EML1: variants seen among roughly 807,000 people sequenced by gnomAD.
The protein encoded by EML1 is echinoderm microtubule-associated protein-like 1.
Under a neutral mutation model 110.4 loss-of-function variants are expected in EML1, and 27 were observed. That is an observed-to-expected ratio of 0.24 (90% CI 0.18 to 0.34). EML1 has a LOEUF of 0.34. EML1 is among the 10% of genes least tolerant of loss of function. The pLI is 1.00. For missense variants in EML1, 741 were observed against 1,030.9 expected (o/e 0.72, Z 3.85); for synonymous variants, 344 against 385.8 (o/e 0.89, Z 1.27).
chr14:99,831,432 A>G lies in EML1; in HGVS notation c.68-19421A>G, dbSNP rs531568421. On this transcript the variant is annotated intron_variant, in intron 1 of 21. Coordinates refer to ENST00000262233, the MANE Select transcript of EML1 (RefSeq NM_004434.3). ...TCCCCCCATCGTTGGGCCCACTGGC[A>G]TCACTCCTGTTGCTCCCATCGGCAG... Among the ~76,000 whole-genome samples the G allele has an allele frequency of 1.1e-4, 16 of 152,328 alleles. No individual in the cohort carries two copies. The East Asian group carries it at 2.9e-3, about 28-fold the overall frequency.
intron 1 of EML1, among the ~76,000 whole-genome samples, chr14:99,806,763 T>A (rs1401824606): frequency 2.0e-5 from 3 of 152,196 alleles, no homozygotes; most frequent in Non-Finnish European, 4.4e-5. Context: ...CAACACTGGC[T>A]GCTCTGACAA....
intron 17 of EML1, among the ~76,000 whole-genome samples, chr14:99,926,309 G>A (rs1432902099): frequency 6.6e-6 from 1 of 151,392 alleles, no homozygotes; most frequent in Non-Finnish European, 1.5e-5. Flanking sequence ...TTTTGAGATG[G>A]AGTCTTGCAC....
intron 1 of EML1, among the ~76,000 whole-genome samples, chr14:99,825,701 C>G (rs1442287603): frequency 6.6e-6 from 1 of 152,186 alleles, no homozygotes; most frequent in Non-Finnish European, 1.5e-5. Flanking sequence ...TAAGCGCTTA[C>G]TAGGAGTTTA....
chr14:99,781,044 G>C lies in EML1; in HGVS notation c.-27+7031G>C, dbSNP rs977505290. ...TCATCCTTTAACCTTCCTCTCCCGGGTGATGAAGCATCTCTCCTTCTTTCC... is the reference window on the plus strand; with the variant it reads ...TCATCCTTTAACCTTCCTCTCCCGGCTGATGAAGCATCTCTCCTTCTTTCC... On this transcript the variant is annotated intron_variant, in intron 1 of 22. Coordinates refer to the EML1 transcript ENST00000327921. This position sits in a 1 kb window ranked among gnomAD's most constrained non-coding sequence, Gnocchi z 4.2. Among the ~76,000 whole-genome samples the C allele has an allele frequency of 2.0e-5, 3 of 152,104 alleles. No homozygotes were observed. The highest frequency in any genetic ancestry group is 2.9e-5 in the Non-Finnish European group (2 of 68,014).
intron 1 of EML1, 113 bp downstream of exon 1, chr14:99,793,656 C>A: frequency 2.4e-6 from 2 of 837,138 alleles, no homozygotes; most frequent in Non-Finnish European, 2.9e-6. Flanking sequence ...CGGGCGAGGC[C>A]GCGCAAAGTT....
rs574484214 is a variant in EML1 at position 99,932,364 on chromosome 14, G to A, written c.1910-3665G>A. On this transcript the variant is annotated intron_variant, in intron 17 of 21. Transcript: ENST00000262233. Reference sequence around the variant, plus strand: ...TTAAAAACAGATATGGGGGCCGGGCGCGGTGGCTCACATCTGTAATCCCAG... The same window carrying A: ...TTAAAAACAGATATGGGGGCCGGGCACGGTGGCTCACATCTGTAATCCCAG... 1.8e-4 allele frequency among the ~76,000 whole-genome samples: 28 copies of A among 152,210 alleles called. 1 individual carries two copies. Among genetic ancestry groups the A allele is most frequent in the East Asian group, 1.2e-3 (6 of 5,176 alleles).
At chr14:99,898,710 C>T (rs536113316) in intron 8 of EML1, among the ~76,000 whole-genome samples, 2 of 150,772 alleles carry the variant, frequency 1.3e-5, no homozygotes, top group Non-Finnish European at 2.9e-5. Flanking sequence ...CAAGATCATG[C>T]CACTGCACTC....
At chr14:99,833,604 A>C (rs1209131782) in intron 1 of EML1, among the ~76,000 whole-genome samples, 1 of 152,202 alleles carries the variant, frequency 6.6e-6, no homozygotes, top group Non-Finnish European at 1.5e-5. Context: ...AATGAACAGC[A>C]ATGAGTCTTC....
At chr14:99,856,894 A>G (rs2058911920) in intron 2 of EML1, among the ~76,000 whole-genome samples, 1 of 152,166 alleles carries the variant, frequency 6.6e-6, no homozygotes. Context: ...CCCATATTGG[A>G]TTATTTTAAA....
upstream of EML1, among the ~76,000 whole-genome samples, chr14:99,790,701 C>T (rs2057655176): frequency 6.6e-6 from 1 of 152,102 alleles, no homozygotes; most frequent in Non-Finnish European, 1.5e-5. Flanking sequence ...TGTTAAGTCT[C>T]ACCCTTTGAA....
At chr14:99,858,841 C>T (rs763643222) in intron 2 of EML1, among the ~76,000 whole-genome samples, 1 of 152,282 alleles carries the variant, frequency 6.6e-6, no homozygotes, top group South Asian at 2.1e-4. Context: ...ATTAGGAATT[C>T]TAGCTTCATA....
intron 1 of EML1, among the ~76,000 whole-genome samples, chr14:99,783,699 G>T (rs1240396415): frequency 6.6e-6 from 1 of 152,096 alleles, no homozygotes; most frequent in East Asian, 1.9e-4. Flanking sequence ...TGGCCAGGAT[G>T]GTCTCGATCT....
intron 2 of EML1, among the ~76,000 whole-genome samples, chr14:99,851,324 T>C (rs927678741): frequency 6.6e-6 from 1 of 152,060 alleles, no homozygotes; most frequent in Non-Finnish European, 1.5e-5. Context: ...TCTTTTTTTT[T>C]TGAGACAGAG....
intron 1 of EML1, among the ~76,000 whole-genome samples, chr14:99,752,145 G>T (rs933921011): frequency 6.6e-6 from 1 of 152,134 alleles, no homozygotes. Context: ...TGGCTTTCTT[G>T]GTTCAAACAC....
At chr14:99,794,169 C>CA (rs1013464797) in intron 1 of EML1, among the ~76,000 whole-genome samples, 3 of 152,002 alleles carry the variant, frequency 2.0e-5, no homozygotes, top group Non-Finnish European at 4.4e-5. Flanking sequence ...TGCAATTTTA[C>CA]AGGAAGGAAA....
At chr14:99,805,751 C>T (rs758831410) in intron 1 of EML1, among the ~76,000 whole-genome samples, 14 of 152,202 alleles carry the variant, frequency 9.2e-5, no homozygotes, top group Non-Finnish European at 1.0e-4. Flanking sequence ...GTTGGGATTA[C>T]AGCCATGAGC....
At chr14:99,748,861 G>A (rs998940245) in intron 1 of EML1, among the ~76,000 whole-genome samples, 1 of 152,100 alleles carries the variant, frequency 6.6e-6, no homozygotes, top group African/African-American at 2.4e-5. Context: ...CGTCCACTTT[G>A]TTTCTGTAGA....
chr14:99,878,366 G>T, intron 3 of EML1, 119 bp from the exon 4 acceptor site: 1 of 1,435,876 alleles, frequency 7.0e-7, no homozygotes. Context: ...TCCGTTGCTA[G>T]GCCTGTCTTT....
At chr14:99,898,403 A>G in intron 8 of EML1, 101 bp downstream of exon 8, 1 of 1,162,670 alleles carries the variant, frequency 8.6e-7, no homozygotes. Context: ...AGATATAATT[A>G]TGGTATCTGA....
Sources: allele counts gnomAD v4.1 joint callset (sites outside exome capture counted in the v4.1 genomes callset), GRCh38; gene constraint gnomAD v4.1.1; non-coding constraint Gnocchi (gnomAD v3.1); transcripts MANE v1.5; gene names NCBI Gene and HGNC (gene_info 2026-07-23, HGNC 2026-07-21).